The following PLEKHG6 variants were observed in gnomAD, a reference collection of about 807,000 sequenced individuals.
PLEKHG6 encodes pleckstrin homology domain-containing family G member 6.
PLEKHG6 carries 91 observed loss-of-function variants against 97.5 expected under a neutral mutation model. That is an observed-to-expected ratio of 0.93 (90% CI 0.79 to 1.11). PLEKHG6 has a LOEUF of 1.11. Among genes scored for constraint, PLEKHG6 ranks in the 50% most tolerant of loss-of-function variants. The pLI is 0.00. For missense variants in PLEKHG6, 1,044 were observed against 1,031.0 expected, an observed-to-expected ratio of 1.01 and a Z score of -0.17; for synonymous variants, 466 against 425.5, an observed-to-expected ratio of 1.10 and a Z score of -1.17.
At chr12:6,310,399 G>A (rs1036498682), upstream of PLEKHG6, 9 of 152,448 alleles carry the variant, frequency 5.9e-5, no homozygotes, top group South Asian at 2.1e-4. Flanking sequence ...CGCCTCCCCC[G>A]GCGGCGCCCC....
rs1300573290 is a variant in PLEKHG6 at position 6,315,163 on chromosome 12, G to T, written c.453G>T (p.Gly151=). Reference sequence around the variant, plus strand: ...AGTCCTGGAGGGAGCTGGTGCCTGGGCACAAGGTGAGCCTGAAACTCACAA... The same window carrying T: ...AGTCCTGGAGGGAGCTGGTGCCTGGTCACAAGGTGAGCCTGAAACTCACAA... ...IEKSWRELVP[G]HKEMSQELCH... is the part of the protein sequence containing the mutation. Residue 151 remains glycine, a synonymous_variant, in exon 4 of 16, where the codon GGG becomes GGT. Coordinates refer to ENST00000684764, the MANE Select transcript of PLEKHG6 (RefSeq NM_001384598.1). This position sits in a 1 kb window ranked among gnomAD's most constrained non-coding sequence, Gnocchi z 4.5. The T allele has an allele frequency of 1.1e-5, 18 of 1,610,222 alleles. No homozygotes were observed. Among genetic ancestry groups the T allele is most frequent in the Non-Finnish European group, 1.5e-5 (18 of 1,179,368 alleles).
intron 3 of PLEKHG6, among the ~76,000 whole-genome samples, chr12:6,314,045 A>G (rs1300248625): frequency 6.6e-6 from 1 of 152,224 alleles, no homozygotes; most frequent in Admixed American, 6.5e-5. Context: ...AAAACTACCA[A>G]GTCAAATTAC....
chr12:6,324,210 C>T (rs1009418928), intron 13 of PLEKHG6, among the ~76,000 whole-genome samples: 16 of 151,810 alleles, frequency 1.1e-4, no homozygotes, highest in Non-Finnish European at 2.1e-4. Context: ...GCTTTGGGCT[C>T]GCTGGGAGGC....
At chr12:6,318,544 C>A in intron 11 of PLEKHG6, 124 bp downstream of exon 11, 2 of 1,309,920 alleles carry the variant, frequency 1.5e-6, no homozygotes, top group Non-Finnish European at 2.1e-6. Flanking sequence ...AAGCCCCAGT[C>A]ATTTGTGTGA....
At chr12:6,321,848 G>A (rs1232241152) in intron 13 of PLEKHG6, among the ~76,000 whole-genome samples, 3 of 88,938 alleles carry the variant, frequency 3.4e-5, no homozygotes, top group African/African-American at 4.8e-5. Flanking sequence ...AAAAAGAAGA[G>A]GGAAGAGAAG....
chr12:6,319,565 C>G, intron 13 of PLEKHG6: 1 of 1,535,040 alleles, frequency 6.5e-7, no homozygotes, highest in Non-Finnish European at 8.7e-7. Flanking sequence ...ATCTGATGTG[C>G]CCCAGAGAGG....
Position 6,316,401 on chromosome 12 carries a change from G to A in PLEKHG6, c.753G>A (p.Leu251=), listed in dbSNP as rs1947460921. 3 of 1,571,030 alleles carry A rather than the reference G, an allele frequency of 1.9e-6. No homozygotes were observed. The highest frequency in any genetic ancestry group is 2.6e-6 in the Non-Finnish European group (3 of 1,157,664). Residue 251 remains leucine (L), a synonymous_variant, in exon 7 of 16, where the codon CTG becomes CTA. Coordinates refer to ENST00000684764, the MANE Select transcript of PLEKHG6 (RefSeq NM_001384598.1). The surrounding 1 kb of genome is among the most constrained non-coding windows in gnomAD (Gnocchi z 4.1). The part of the protein sequence containing the change: ...LDPIGLQSGF[L]TFGQRFHPYV... Reference sequence around the variant, plus strand: ...CCATTGGTCTGCAAAGTGGCTTCCTGACGGTGAGGCCTGTGAAGGGCTGTG... The same window carrying A: ...CCATTGGTCTGCAAAGTGGCTTCCTAACGGTGAGGCCTGTGAAGGGCTGTG...
chr12:6,317,930 C>A lies in PLEKHG6; in HGVS notation c.1091C>A (p.Ala364Glu), dbSNP rs145264028. ...CAGGGCGAAGAGCAAGAGAGCTTGGCGGCTGCAGCACAACGCATCGGGCCC... is the reference window on the plus strand; with the variant it reads ...CAGGGCGAAGAGCAAGAGAGCTTGGAGGCTGCAGCACAACGCATCGGGCCC... ...VRQGEEQESL[A>E]AAAQRIGPYE... Residue 364 changes from alanine (A) to glutamate (E), a missense_variant, in exon 10 of 16, where the codon GCG becomes GAG. By Grantham distance (107) the Ala-to-Glu change is moderately radical. Transcript: ENST00000684764. 6.4e-7 allele frequency: 1 copy of A among 1,571,512 alleles called. No homozygotes were observed. The highest frequency in any genetic ancestry group is 1.2e-5 in the South Asian group (1 of 85,596).
intron 15 of PLEKHG6, 87 bp downstream of exon 15, chr12:6,328,033 C>A: frequency 6.3e-7 from 1 of 1,577,200 alleles, no homozygotes. Flanking sequence ...GAGGGCAAAG[C>A]AGGAACAGGG....
chr12:6,316,375 C>A lies in PLEKHG6; in HGVS notation c.727C>A (p.Pro243Thr). ...TCGGGCCTCGGGCCAGCCTCTGGACCCCATTGGTCTGCAAAGTGGCTTCCT... is the reference window on the plus strand; with the variant it reads ...TCGGGCCTCGGGCCAGCCTCTGGACACCATTGGTCTGCAAAGTGGCTTCCT... Reference protein sequence around the residue: ...ETRASGQPLDPIGLQSGFLTF... With the variant: ...ETRASGQPLDTIGLQSGFLTF... Residue 243 changes from proline to threonine, a missense_variant, in exon 7 of 16, where the codon CCC becomes ACC. Coordinates refer to ENST00000684764, the MANE Select transcript of PLEKHG6 (RefSeq NM_001384598.1). The surrounding 1 kb of genome is among the most constrained non-coding windows in gnomAD (Gnocchi z 4.1). 6.4e-7 allele frequency: 1 copy of A among 1,571,918 alleles called. No individual in the cohort carries two copies. Among genetic ancestry groups the A allele is most frequent in the Admixed American group, 1.9e-5 (1 of 53,728 alleles).
At chr12:6,312,413 G>A in intron 2 of PLEKHG6, 49 bp downstream of exon 2, 1 of 1,541,004 alleles carries the variant, frequency 6.5e-7, no homozygotes, top group Non-Finnish European at 8.7e-7. Context: ...CAGGAGGGAA[G>A]ACACCTAGGC....
intron 7 of PLEKHG6, among the ~76,000 whole-genome samples, chr12:6,317,042 G>T (rs1947487393): frequency 1.3e-5 from 2 of 152,184 alleles, no homozygotes; most frequent in Non-Finnish European, 2.9e-5. Flanking sequence ...AGAGCAGCAG[G>T]CCCCAGTAGC....
intron 2 of PLEKHG6, chr12:6,313,029 A>C: frequency 6.7e-7 from 1 of 1,492,384 alleles, no homozygotes; most frequent in Non-Finnish European, 9.0e-7. Flanking sequence ...ACTAGAAAGT[A>C]TGTGGGGTAA....
chr12:6,327,702 A>C lies in PLEKHG6; in HGVS notation c.2119A>C (p.Ser707Arg). ...AACCCATGCTGACTCTGCCGGGGAA[A>C]GCCCCTGGGAGTCCTCAGGGGAGGA... is the stretch of plus-strand genomic sequence containing the variant. The part of the protein sequence containing the change: ...SPTHADSAGE[S>R]PWESSGEEEE... The change falls in exon 15 of 16, where the codon AGC becomes CGC. Residue 707 changes from serine to arginine, a missense_variant. Coordinates refer to ENST00000684764, the MANE Select transcript of PLEKHG6 (RefSeq NM_001384598.1). The C allele has an allele frequency of 6.4e-7, 1 of 1,557,140 alleles. No individual in the cohort carries two copies. The highest frequency in any genetic ancestry group is 8.7e-7 in the Non-Finnish European group (1 of 1,151,008).
chr12:6,324,282 C>G (rs1947795022), intron 13 of PLEKHG6, among the ~76,000 whole-genome samples: 1 of 90,962 alleles, frequency 1.1e-5, no homozygotes, highest in African/African-American at 4.3e-5. Flanking sequence ...GGGGCTCCCC[C>G]TCGCCCCCCT....
intron 3 of PLEKHG6, 24 bp downstream of exon 3, chr12:6,313,808 TC>T: frequency 6.5e-7 from 1 of 1,536,514 alleles, no homozygotes; most frequent in Non-Finnish European, 8.7e-7. Flanking sequence ...TCTCCTCCCA[TC>T]CCCACACATA....
intron 3 of PLEKHG6, 140 bp from the exon 4 acceptor site, chr12:6,314,865 T>C: frequency 1.3e-6 from 1 of 762,490 alleles, no homozygotes; most frequent in South Asian, 1.8e-5. Context: ...TCATACTCAG[T>C]GCTGCTTGCC....
intron 11 of PLEKHG6, 41 bp downstream of exon 11, chr12:6,318,461 T>C: frequency 1.3e-6 from 2 of 1,560,972 alleles, no homozygotes; most frequent in Non-Finnish European, 1.7e-6. Flanking sequence ...TGGGGCACGG[T>C]GGGAGAAGGT....
At chr12:6,310,604 G>C (rs1011266680), upstream of PLEKHG6, 3 of 152,172 alleles carry the variant, frequency 2.0e-5, no homozygotes, top group Admixed American at 6.5e-5. Flanking sequence ...GGGGCTGCTC[G>C]GTCCCCAGGG....
Sources: gnomAD v4.1 joint callset for allele counts (sites outside exome capture counted in the v4.1 genomes callset) on GRCh38, gnomAD v4.1.1 for gene constraint, Gnocchi (gnomAD v3.1) non-coding constraint, MANE v1.5 for transcripts, NCBI Gene and HGNC (gene_info 2026-07-23, HGNC 2026-07-21) for gene names.